Variants in CDC123 observed in about 807,000 individuals in gnomAD.
CDC123 encodes the protein cell division cycle 123.
CDC123 carries 37 observed loss-of-function variants against 54.4 expected under a neutral mutation model. That is an observed-to-expected ratio of 0.68 (90% CI 0.52 to 0.89). The LOEUF (loss-of-function observed/expected upper bound fraction) is 0.89. CDC123 is among the 40% of genes least tolerant of loss of function. The probability of loss-of-function intolerance (pLI) is 0.00; values close to 1 mark genes in which losing one functional copy is unlikely to be tolerated. For synonymous variants in CDC123, 144 were observed against 136.8 expected (o/e 1.05, Z -0.37); for missense variants, 361 against 412.1 (o/e 0.88, Z 1.07).
At chr10:12,223,274 T>C (rs1330532722) in intron 6 of CDC123, among the ~76,000 whole-genome samples, 4 of 151,862 alleles carry the variant, frequency 2.6e-5, no homozygotes, top group Non-Finnish European at 5.9e-5. Flanking sequence ...TATTCGTTTA[T>C]GTATTTTATT....
Position 12,232,789 on chromosome 10 carries a change from T to C in CDC123, c.489+1793T>C, listed in dbSNP as rs145534532. Reference sequence around the variant, plus strand: ...GAAAGAGATCATTTCCTTACCTTTCTTTTTTTTTTTCTGAGACAGAGTCTT... The same window carrying C: ...GAAAGAGATCATTTCCTTACCTTTCCTTTTTTTTTTCTGAGACAGAGTCTT... On this transcript the variant is annotated intron_variant, in intron 7 of 12. Coordinates refer to ENST00000281141, the MANE Select transcript of CDC123 (RefSeq NM_006023.3). Among the ~76,000 whole-genome samples, 129 of 46,002 alleles carry C rather than the reference T, an allele frequency of 2.8e-3. 1 individual carries two copies. The highest frequency in any genetic ancestry group is 5.3e-3 in the African/African-American group (126 of 23,870). The allele number at this position is 46,002 out of a possible 152,430, so 30.2% of individuals were successfully genotyped here.
In CDC123 at chr10:12,219,751, C is replaced by T. The variant is rs1230388748; in HGVS notation, c.440+2284C>T. On this transcript the variant is annotated intron_variant, in intron 6 of 12. Transcript: ENST00000281141. ...CCAGGCTGGAGTGCAGTGGTGCAAT[C>T]TTGGCTCACTGCAACCTCCGCCTCC... 3.4e-5 allele frequency among the ~76,000 whole-genome samples: 5 copies of T among 148,912 alleles called. No individual in the cohort carries two copies. In the South Asian group the frequency reaches 6.3e-4, roughly 19 times the overall value.
At chr10:12,218,048 G>A (rs951125200) in intron 6 of CDC123, among the ~76,000 whole-genome samples, 3 of 152,064 alleles carry the variant, frequency 2.0e-5, no homozygotes, top group Non-Finnish European at 4.4e-5. Flanking sequence ...GAGATTGCGT[G>A]CCACTGCACT....
intron 6 of CDC123, among the ~76,000 whole-genome samples, chr10:12,223,003 T>C (rs1835757683): frequency 6.6e-6 from 1 of 152,020 alleles, no homozygotes; most frequent in Admixed American, 6.6e-5. Context: ...GCCATTCTCC[T>C]GCCTCAGCCT....
At position 12,235,130 on chromosome 10, in the gene CDC123, TTTTG is replaced by T. The variant is rs752968586; in HGVS notation, c.565+23_565+26del. On this transcript the variant is annotated splice_region_variant and intron_variant, in intron 8 of 12. Transcript: ENST00000281141. Reference sequence around the variant, plus strand: ...AAGGAAAACAAGCTTATTGGTGAGTTTTTGTTTGTTTGTTTGTTTTATCCTTCAA... The same window carrying T: ...AAGGAAAACAAGCTTATTGGTGAGTTTTTGTTTGTTTGTTTTATCCTTCAA... The T allele has an allele frequency of 2.0e-4, 316 of 1,605,474 alleles. No homozygotes were observed. The highest frequency in any genetic ancestry group is 1.7e-3 in the Middle Eastern group (10 of 6,040).
At chr10:12,216,172 A>T (rs1452330117) in intron 5 of CDC123, among the ~76,000 whole-genome samples, 1 of 152,206 alleles carries the variant, frequency 6.6e-6, no homozygotes, top group Non-Finnish European at 1.5e-5. Flanking sequence ...TAATAAAAAT[A>T]AAAAAAGTAA....
intron 2 of CDC123, among the ~76,000 whole-genome samples, chr10:12,202,026 G>A (rs973107651): frequency 1.3e-5 from 2 of 152,164 alleles, no homozygotes; most frequent in Non-Finnish European, 2.9e-5. Context: ...TGTCTGTGGA[G>A]CCTTTTTGAA....
chr10:12,230,857 C>A, intron 6 of CDC123, 91 bp from the exon 7 acceptor site: 1 of 1,204,256 alleles, frequency 8.3e-7, no homozygotes, highest in Non-Finnish European at 1.2e-6. Flanking sequence ...TTTAGTAAAA[C>A]GTTACTCTCA....
intron 8 of CDC123, among the ~76,000 whole-genome samples, chr10:12,235,414 CTG>C (rs1241186857): frequency 7.2e-5 from 11 of 152,156 alleles, no homozygotes; most frequent in Admixed American, 3.3e-4. Flanking sequence ...ATCAGGAACT[CTG>C]TGTATGGAAT....
intron 2 of CDC123, 181 bp downstream of exon 2, chr10:12,198,957 T>G (rs1186690290): frequency 2.0e-6 from 1 of 488,504 alleles, no homozygotes; most frequent in East Asian, 3.7e-5. Context: ...CATTAAGTAC[T>G]TTTCCCTCTA....
At chr10:12,214,134 A>G (rs1225950880) in intron 4 of CDC123, among the ~76,000 whole-genome samples, 2 of 152,202 alleles carry the variant, frequency 1.3e-5, no homozygotes, top group Non-Finnish European at 2.9e-5. Flanking sequence ...ATTTGAGGGG[A>G]CTGATCACAT....
At chr10:12,244,091 G>A (rs1232301459) in intron 10 of CDC123, among the ~76,000 whole-genome samples, 28 of 152,142 alleles carry the variant, frequency 1.8e-4, no homozygotes, top group Admixed American at 1.8e-3. Context: ...AACATCCTGC[G>A]ACAGGCCTGT....
At chr10:12,210,119 T>A (rs1424009735) in intron 3 of CDC123, 95 bp downstream of exon 3, 1 of 1,482,456 alleles carries the variant, frequency 6.7e-7, no homozygotes. Context: ...TTACATCTGA[T>A]AAAATGAGAA....
intron 11 of CDC123, 83 bp downstream of exon 11, chr10:12,246,360 G>A (rs550789375): frequency 1.8e-4 from 270 of 1,503,240 alleles, no homozygotes; most frequent in Non-Finnish European, 2.3e-4. Context: ...ATAGGTAGGC[G>A]GCAATGGCCA....
intron 11 of CDC123, among the ~76,000 whole-genome samples, chr10:12,248,589 T>G (rs1836191864): frequency 6.6e-6 from 1 of 151,700 alleles, no homozygotes; most frequent in Non-Finnish European, 1.5e-5. Flanking sequence ...GTGGATCACC[T>G]GAGGTTGGGA....
intron 4 of CDC123, among the ~76,000 whole-genome samples, chr10:12,214,136 T>C (rs920789917): frequency 2.6e-5 from 4 of 152,256 alleles, no homozygotes; most frequent in African/African-American, 9.6e-5. Context: ...TTGAGGGGAC[T>C]GATCACATCT....
intron 4 of CDC123, among the ~76,000 whole-genome samples, chr10:12,210,613 A>G (rs1835584637): frequency 1.3e-5 from 2 of 152,220 alleles, no homozygotes; most frequent in Non-Finnish European, 2.9e-5. Context: ...TACGCCTAAC[A>G]TTAAACTCTG....
chr10:12,215,844 A>C lies in CDC123; in HGVS notation c.333+9A>C. ...ATTGGAGTGCCCCAAGGGTAGGAAC[A>C]CATAAGTAATTCTCTTACTGTTTGA... On this transcript the variant is annotated intron_variant, in intron 5 of 12. Transcript: ENST00000281141. The C allele has an allele frequency of 6.5e-7, 1 of 1,536,548 alleles. No individual in the cohort carries two copies. Among genetic ancestry groups the C allele is most frequent in the Non-Finnish European group, 8.9e-7 (1 of 1,122,210 alleles).
At chr10:12,238,348 G>A in intron 9 of CDC123, 109 bp from the exon 10 acceptor site, 1 of 1,245,052 alleles carries the variant, frequency 8.0e-7, no homozygotes, top group Non-Finnish European at 1.1e-6. Context: ...AGTCCTCAGG[G>A]TCATTTATAT....
Sources: allele counts gnomAD v4.1 joint callset (sites outside exome capture counted in the v4.1 genomes callset), GRCh38; gene constraint gnomAD v4.1.1; transcripts MANE v1.5; gene names NCBI Gene and HGNC (gene_info 2026-07-23, HGNC 2026-07-21).